CDH18: variants seen among roughly 807,000 people sequenced by gnomAD.
CDH18 encodes cadherin 18, also known as cadherin-18.
CDH18 carries 31 observed loss-of-function variants against 67.9 expected under a neutral mutation model. The ratio of observed to expected loss-of-function variants is 0.46; its 90% CI spans 0.34 to 0.62. CDH18 has a LOEUF of 0.62. Ranked by LOEUF, CDH18 falls within the 20% of genes least tolerant of loss-of-function variation. The pLI, the probability that CDH18 is intolerant of heterozygous loss-of-function variation, is 0.01. For missense variants in CDH18, 890 were observed against 975.5 expected (o/e 0.91, Z 1.17); for synonymous variants, 362 against 347.2 (o/e 1.04, Z -0.48).
chr5:20,419,170 C>T (rs557046100), intron 1 of CDH18, among the ~76,000 whole-genome samples: 1 of 152,118 alleles, frequency 6.6e-6, no homozygotes, highest in East Asian at 1.9e-4. Flanking sequence ...CAGGGGTTTC[C>T]GCTTTTGCTT....
chr5:19,495,372 G>C (rs1742118914), intron 11 of CDH18, among the ~76,000 whole-genome samples: 1 of 152,086 alleles, frequency 6.6e-6, no homozygotes, highest in Non-Finnish European at 1.5e-5. Flanking sequence ...TTTATAAAAT[G>C]TAGGTCTAGG....
intron 3 of CDH18, among the ~76,000 whole-genome samples, chr5:19,815,217 T>C (rs1223208838): frequency 6.6e-6 from 1 of 152,044 alleles, no homozygotes; most frequent in Admixed American, 6.6e-5. Context: ...ACTGGAAAAG[T>C]TATATATTCA....
intron 2 of CDH18, among the ~76,000 whole-genome samples, chr5:20,119,173 T>C (rs566303182): frequency 1.3e-5 from 2 of 152,288 alleles, no homozygotes; most frequent in South Asian, 2.1e-4. Flanking sequence ...GGTTGTATTG[T>C]TGGATCAATT....
intron 2 of CDH18, among the ~76,000 whole-genome samples, chr5:20,122,552 G>T (rs537449104): frequency 2.0e-5 from 3 of 151,888 alleles, no homozygotes; most frequent in Non-Finnish European, 4.4e-5. Context: ...GTATCTTGAC[G>T]TGACTGATTA....
intron 7 of CDH18, among the ~76,000 whole-genome samples, chr5:19,573,993 T>A (rs1323667992): frequency 6.6e-6 from 1 of 152,222 alleles, no homozygotes; most frequent in Non-Finnish European, 1.5e-5. Context: ...TAGGAATGCT[T>A]AACATTTCTT....
At chr5:20,294,139 T>C (rs1256918412) in intron 1 of CDH18, among the ~76,000 whole-genome samples, 2 of 152,194 alleles carry the variant, frequency 1.3e-5, no homozygotes, top group Non-Finnish European at 2.9e-5. Context: ...TTTCCATATG[T>C]GAGTTTTTAG....
intron 3 of CDH18, among the ~76,000 whole-genome samples, chr5:19,774,704 C>G (rs1774117544): frequency 6.7e-6 from 1 of 148,564 alleles, no homozygotes; most frequent in East Asian, 2.0e-4. Flanking sequence ...CACCTATAGT[C>G]CCAGCTACTA....
chr5:20,470,860 C>T (rs73764068), intron 1 of CDH18, among the ~76,000 whole-genome samples: 6,805 of 152,260 alleles, frequency 0.045, 492 homozygotes, highest in African/African-American at 0.16. Context: ...CTTTCCTGCT[C>T]AAGAACATCA....
At chr5:20,167,154 A>C (rs1736356306) in intron 2 of CDH18, among the ~76,000 whole-genome samples, 1 of 152,196 alleles carries the variant, frequency 6.6e-6, no homozygotes, top group Admixed American at 6.5e-5. Flanking sequence ...TGTTATAATA[A>C]ATATATTTGA....
intron 7 of CDH18, among the ~76,000 whole-genome samples, chr5:19,585,912 G>A (rs547241433): frequency 6.6e-6 from 1 of 152,122 alleles, no homozygotes; most frequent in East Asian, 1.9e-4. Flanking sequence ...ATGAGTAAGT[G>A]TTCAGACTCT....
chr5:20,477,652 C>T (rs1317682238), intron 1 of CDH18, among the ~76,000 whole-genome samples: 3 of 152,180 alleles, frequency 2.0e-5, no homozygotes, highest in African/African-American at 4.8e-5. Context: ...CTAGCCCCAA[C>T]GCCATGGGCT....
chr5:19,670,790 T>G (rs1429557399), intron 5 of CDH18, among the ~76,000 whole-genome samples: 1 of 152,066 alleles, frequency 6.6e-6, no homozygotes, highest in South Asian at 2.1e-4. Context: ...TGACCATTAA[T>G]GTATTATTAA....
At chr5:20,130,768 A>G (rs990621171) in intron 2 of CDH18, among the ~76,000 whole-genome samples, 1 of 152,040 alleles carries the variant, frequency 6.6e-6, no homozygotes, top group Non-Finnish European at 1.5e-5. Context: ...TAAAAATCTC[A>G]TATCAATATA....
chr5:20,342,226 T>G (rs1368150773), intron 1 of CDH18, among the ~76,000 whole-genome samples: 2 of 152,132 alleles, frequency 1.3e-5, no homozygotes, highest in African/African-American at 2.4e-5. Context: ...CAACTTGGAA[T>G]GGGGACGTGT....
Position 19,686,520 on chromosome 5 carries a change from T to C in CDH18, c.643+34827A>G, listed in dbSNP as rs150785253. Among the ~76,000 whole-genome samples the C allele has an allele frequency of 5.9e-5, 9 of 152,266 alleles. No homozygotes were observed. The East Asian group carries it at 1.7e-3, about 29-fold the overall frequency. ...TGCAATGAGATAGCCAGCGTAGATGTTTAAAATGCCTATTTATGTGCGCGC... is the reference window on the plus strand; with the variant it reads ...TGCAATGAGATAGCCAGCGTAGATGCTTAAAATGCCTATTTATGTGCGCGC... On this transcript the variant is annotated intron_variant, in intron 5 of 12. Coordinates refer to ENST00000382275, the MANE Select transcript of CDH18 (RefSeq NM_004934.5).
At chr5:19,675,206 A>G (rs1759307190) in intron 5 of CDH18, among the ~76,000 whole-genome samples, 1 of 152,074 alleles carries the variant, frequency 6.6e-6, no homozygotes, top group Non-Finnish European at 1.5e-5. Flanking sequence ...AGGCAAATGG[A>G]GGCAGGGCAA....
intron 1 of CDH18, among the ~76,000 whole-genome samples, chr5:20,513,199 T>A (rs1433370427): frequency 1.3e-5 from 2 of 152,176 alleles, no homozygotes; most frequent in African/African-American, 4.8e-5. Context: ...GAATCTGAGA[T>A]TCCACAGTGC....
Position 19,962,436 on chromosome 5 carries a change from C to T in CDH18, c.-257+18624G>A, listed in dbSNP as rs549172438. On this transcript the variant is annotated intron_variant, in intron 2 of 12. Transcript: ENST00000382275. ...TTTAAGAATATTTGACATATTTAGA[C>T]TCAGTATAAAATTTTACATTGCATA... is the stretch of plus-strand genomic sequence containing the variant. 5.8e-4 allele frequency among the ~76,000 whole-genome samples: 78 copies of T among 135,160 alleles called. 2 individuals carry two copies. The highest frequency in any genetic ancestry group is 2.0e-3 in the African/African-American group (76 of 37,374). 88.7% of individuals were successfully genotyped at this position (135,160 alleles called of 152,430 possible).
chr5:19,802,705 G>A (rs1433050854), intron 3 of CDH18, among the ~76,000 whole-genome samples: 1 of 152,118 alleles, frequency 6.6e-6, no homozygotes, highest in African/African-American at 2.4e-5. Context: ...GGCAGATTTT[G>A]CCTCTTCCTT....
Sources: gnomAD v4.1 joint callset for allele counts (sites outside exome capture counted in the v4.1 genomes callset) on GRCh38, gnomAD v4.1.1 for gene constraint, MANE v1.5 for transcripts, NCBI Gene and HGNC (gene_info 2026-07-23, HGNC 2026-07-21) for gene names.